Variants in TENM4 observed in about 807,000 individuals in gnomAD.
TENM4 encodes teneurin-4.
In TENM4, 82 loss-of-function variants were observed where a neutral mutation model predicts 243.3. The ratio of observed to expected loss-of-function variants is 0.34; its 90% CI spans 0.28 to 0.40. The LOEUF is 0.40. Ranked by LOEUF, TENM4 falls within the 10% of genes least tolerant of loss-of-function variation. The pLI is 1.00. For missense variants in TENM4, 3,138 were observed against 3,673.3 expected (o/e 0.85, Z 3.77); for synonymous variants, 1,412 against 1,456.3 (o/e 0.97, Z 0.69).
intron 6 of TENM4, among the ~76,000 whole-genome samples, chr11:79,060,215 C>T (rs1408454794): frequency 6.6e-6 from 1 of 152,258 alleles, no homozygotes. Context: ...GCCTGTTGGC[C>T]TCTCACGGCA....
chr11:78,736,931 G>A (rs1855812714), intron 20 of TENM4, among the ~76,000 whole-genome samples: 1 of 152,202 alleles, frequency 6.6e-6, no homozygotes, highest in African/African-American at 2.4e-5. Flanking sequence ...AGTAGAAATT[G>A]TAGAGGAAGC....
chr11:78,676,280 T>A lies in TENM4; in HGVS notation c.5368A>T (p.Thr1790Ser). ...CTCTTGCCCACGGTGGGGTTGACGGTGCCAGCCAGCAAGTGGGGCTCAGTC... is the reference window on the plus strand; with the variant it reads ...CTCTTGCCCACGGTGGGGTTGACGGAGCCAGCCAGCAAGTGGGGCTCAGTC... ...LQTEPHLLAG[T>S]VNPTVGKRNV... The change falls in exon 30 of 34, where the codon ACC becomes TCC. Residue 1790 changes from threonine (T) to serine (S), a missense_variant. By Grantham distance (58) the Thr-to-Ser change is moderately conservative. This residue lies in a region of TENM4 where 2,467 missense variants were observed against 3,059.1 expected (regional missense o/e 0.81). Coordinates refer to ENST00000278550, the MANE Select transcript of TENM4 (RefSeq NM_001098816.3). The A allele has an allele frequency of 6.2e-7, 1 of 1,612,858 alleles. No individual in the cohort carries two copies. Among genetic ancestry groups the A allele is most frequent in the Non-Finnish European group, 8.5e-7 (1 of 1,178,992 alleles).
At chr11:78,807,947 C>A (rs1857424887) in intron 14 of TENM4, among the ~76,000 whole-genome samples, 1 of 152,162 alleles carries the variant, frequency 6.6e-6, no homozygotes, top group Non-Finnish European at 1.5e-5. Flanking sequence ...CTATGAGGAG[C>A]AAATGACATG....
At chr11:79,276,491 T>A (rs1427182126) in intron 2 of TENM4, among the ~76,000 whole-genome samples, 1 of 149,746 alleles carries the variant, frequency 6.7e-6, no homozygotes, top group Non-Finnish European at 1.5e-5. Context: ...TGGAGGGGGG[T>A]GGGAGAATGT....
At chr11:78,699,720 G>A (rs978094207) in intron 28 of TENM4, among the ~76,000 whole-genome samples, 2 of 152,158 alleles carry the variant, frequency 1.3e-5, no homozygotes, top group Non-Finnish European at 2.9e-5. Flanking sequence ...GGAAAGAAAG[G>A]GAGGGATCTT....
intron 9 of TENM4, among the ~76,000 whole-genome samples, chr11:78,867,849 G>T (rs918695382): frequency 9.2e-5 from 14 of 152,140 alleles, no homozygotes; most frequent in African/African-American, 3.4e-4. Flanking sequence ...TTTGAGGCAA[G>T]TTTAAAACTC....
chr11:79,284,283 A>C (rs547437493), intron 2 of TENM4, among the ~76,000 whole-genome samples: 81 of 152,316 alleles, frequency 5.3e-4, no homozygotes, highest in African/African-American at 1.9e-3. Context: ...CGTTGGAGGA[A>C]CCCCACATCT....
intron 4 of TENM4, among the ~76,000 whole-genome samples, chr11:79,072,894 G>C (rs528877304): frequency 1.3e-5 from 2 of 152,064 alleles, no homozygotes; most frequent in South Asian, 2.1e-4. Flanking sequence ...TATTAATAAT[G>C]GTTTGAACAA....
At chr11:79,123,198 T>C (rs530808614) in intron 4 of TENM4, among the ~76,000 whole-genome samples, 1 of 152,348 alleles carries the variant, frequency 6.6e-6, no homozygotes, top group South Asian at 2.1e-4. Context: ...GCTTACATAG[T>C]GCTTACTATG....
intron 3 of TENM4, among the ~76,000 whole-genome samples, chr11:79,155,943 G>A (rs1862606334): frequency 6.6e-6 from 1 of 151,832 alleles, no homozygotes; most frequent in Admixed American, 6.6e-5. Flanking sequence ...CCACCTGCCA[G>A]CCATCCCATC....
intron 6 of TENM4, among the ~76,000 whole-genome samples, chr11:78,916,722 G>A (rs1856325100): frequency 6.6e-6 from 1 of 150,428 alleles, no homozygotes; most frequent in South Asian, 2.1e-4. Context: ...TGAGAAAACT[G>A]AGCCTCAGAA....
chr11:78,826,382 C>T (rs574190477), intron 12 of TENM4, among the ~76,000 whole-genome samples: 3 of 152,176 alleles, frequency 2.0e-5, no homozygotes, highest in Non-Finnish European at 2.9e-5. Context: ...CCACCATGCT[C>T]GGCCGGTCTC....
chr11:79,238,695 T>G (rs1362845426), intron 2 of TENM4, among the ~76,000 whole-genome samples: 1 of 152,142 alleles, frequency 6.6e-6, no homozygotes, highest in African/African-American at 2.4e-5. Flanking sequence ...CTGTTGGTTC[T>G]GTTTTTCTGA....
At chr11:78,735,392 A>G (rs1190145680) in intron 20 of TENM4, among the ~76,000 whole-genome samples, 1 of 152,256 alleles carries the variant, frequency 6.6e-6, no homozygotes, top group Admixed American at 6.5e-5. Context: ...GCCTTGATAG[A>G]ACATTTTTAA....
At chr11:78,770,203 A>G (rs1490764624) in intron 18 of TENM4, among the ~76,000 whole-genome samples, 1 of 152,238 alleles carries the variant, frequency 6.6e-6, no homozygotes, top group Non-Finnish European at 1.5e-5. Flanking sequence ...CAAGTGGGAA[A>G]GTAGAACACA....
chr11:79,061,959 G>A (rs563735730), intron 6 of TENM4, among the ~76,000 whole-genome samples: 2 of 127,070 alleles, frequency 1.6e-5, no homozygotes, highest in South Asian at 2.6e-4. Context: ...ATAATCGGTG[G>A]CAACTATTTT....
At chr11:78,753,673 G>T (rs1339707566) in intron 19 of TENM4, among the ~76,000 whole-genome samples, 1 of 151,748 alleles carries the variant, frequency 6.6e-6, no homozygotes, top group Non-Finnish European at 1.5e-5. Context: ...GGTACATAAT[G>T]ATTCTGGCAA....
At chr11:79,274,083 C>G (rs1315786491) in intron 2 of TENM4, among the ~76,000 whole-genome samples, 2 of 152,144 alleles carry the variant, frequency 1.3e-5, no homozygotes, top group African/African-American at 4.8e-5. Context: ...CTGAAATGGC[C>G]AGGGGTGCAG....
chr11:78,827,780 C>T (rs183899799), intron 12 of TENM4, among the ~76,000 whole-genome samples: 19 of 152,284 alleles, frequency 1.2e-4, no homozygotes, highest in Non-Finnish European at 7.4e-5. Context: ...TGAGCCACTG[C>T]GCCCGGCCAA....
Sources: gnomAD v4.1 joint callset for allele counts (sites outside exome capture counted in the v4.1 genomes callset) on GRCh38, gnomAD v4.1.1 for gene constraint, gnomAD v4.1.1 regional missense constraint, MANE v1.5 for transcripts, NCBI Gene and HGNC (gene_info 2026-07-23, HGNC 2026-07-21) for gene names.